The following TRIM55 variants were observed in gnomAD, a reference collection of about 807,000 sequenced individuals.
The protein encoded by TRIM55 is tripartite motif containing 55.
TRIM55 carries 50 observed loss-of-function variants against 60.9 expected under a neutral mutation model. The observed-to-expected ratio is 0.82, with a 90% CI of 0.65 to 1.04. The LOEUF (loss-of-function observed/expected upper bound fraction) is 1.04. Ranked by LOEUF, TRIM55 falls within the 50% of genes least tolerant of loss-of-function variation. TRIM55 has a pLI of 0.00. For synonymous variants in TRIM55, 237 were observed against 238.1 expected (o/e 1.00, Z 0.04); for missense variants, 681 against 666.9 (o/e 1.02, Z -0.23).
chr8:66,162,878 A>C (rs1586246878), intron 9 of TRIM55, among the ~76,000 whole-genome samples: 2 of 152,228 alleles, frequency 1.3e-5, no homozygotes, highest in East Asian at 1.9e-4. Context: ...TTAGCTCTTA[A>C]ATTAGGTCTA....
chr8:66,113,389 A>C, the TRIM55 span: 2 of 397,296 alleles, frequency 5.0e-6, no homozygotes, highest in Non-Finnish European at 1.0e-5. Flanking sequence ...CAGCTGGTAG[A>C]GCGGAGGACT....
At chr8:66,145,203 A>G (rs1322393033) in intron 4 of TRIM55, among the ~76,000 whole-genome samples, 2 of 152,182 alleles carry the variant, frequency 1.3e-5, no homozygotes, top group African/African-American at 2.4e-5. Flanking sequence ...AAAGAGTGTG[A>G]AAAAATAGGA....
At chr8:66,170,995 C>T (rs1223953248) in intron 9 of TRIM55, among the ~76,000 whole-genome samples, 2 of 152,320 alleles carry the variant, frequency 1.3e-5, no homozygotes, top group East Asian at 1.9e-4. Flanking sequence ...TTCCACGTTA[C>T]GGACAGTGTT....
At chr8:66,160,318 C>T (rs1586240458) in intron 9 of TRIM55, among the ~76,000 whole-genome samples, 1 of 151,748 alleles carries the variant, frequency 6.6e-6, no homozygotes, top group Admixed American at 6.6e-5. Flanking sequence ...TGCAAATGCC[C>T]TTACTTCATT....
intron 2 of TRIM55, among the ~76,000 whole-genome samples, chr8:66,133,271 G>A (rs1362297503): frequency 1.3e-5 from 2 of 152,162 alleles, no homozygotes; most frequent in Non-Finnish European, 2.9e-5. Context: ...TGTTACACTA[G>A]AGCACAGGGA....
At chr8:66,168,660 C>T (rs1159153853) in intron 9 of TRIM55, among the ~76,000 whole-genome samples, 2 of 152,224 alleles carry the variant, frequency 1.3e-5, no homozygotes, top group Admixed American at 6.5e-5. Flanking sequence ...GAAAGACAGG[C>T]ATTTAACATG....
At chr8:66,127,582 T>A in intron 1 of TRIM55, 146 bp downstream of exon 1, 1 of 899,668 alleles carries the variant, frequency 1.1e-6, no homozygotes, top group Non-Finnish European at 1.7e-6. Context: ...GTCCCAGCAC[T>A]TTGGGAGGCT....
rs915508951 is a variant in TRIM55 at position 66,130,571 on chromosome 8, T to C, written c.341+2095T>C. ...GCTATTGGAAGGGGGTCGGGGGGGG[T>C]GACCAATCACAGACTGGGATGTTGT... is the stretch of plus-strand genomic sequence containing the variant. On this transcript the variant is annotated intron_variant, in intron 2 of 9. Coordinates refer to ENST00000315962, the MANE Select transcript of TRIM55 (RefSeq NM_184085.2). 1.2e-3 allele frequency among the ~76,000 whole-genome samples: 161 copies of C among 138,308 alleles called. 1 individual carries two copies. The highest frequency in any genetic ancestry group is 2.1e-3 in the Admixed American group (28 of 13,250). The allele number at this position is 138,308 out of a possible 152,430, so 90.7% of individuals were successfully genotyped here. A position where few individuals can be genotyped will look rare whatever the true frequency, so the allele number is the denominator to read the frequency against.
chr8:66,122,498 G>C (rs955218796), upstream of TRIM55, among the ~76,000 whole-genome samples: 1 of 152,026 alleles, frequency 6.6e-6, no homozygotes, highest in South Asian at 2.1e-4. Flanking sequence ...GGCACACGTC[G>C]TTAGAACCTC....
At chr8:66,119,101 C>A in the TRIM55 span, among the ~76,000 whole-genome samples, 4 of 152,178 alleles carry the variant, frequency 2.6e-5, no homozygotes, top group African/African-American at 9.7e-5. Context: ...CCTAGTGCTC[C>A]AGCCCAACTA....
At chr8:66,160,356 GGTGTGT>G (rs35422649) in intron 9 of TRIM55, among the ~76,000 whole-genome samples, 15 of 145,968 alleles carry the variant, frequency 1.0e-4, no homozygotes, top group African/African-American at 1.5e-4. Context: ...AGTATTCCAT[GGTGTGT>G]GTGTGTGTGT....
intron 4 of TRIM55, among the ~76,000 whole-genome samples, chr8:66,140,755 G>A (rs1211299840): frequency 1.3e-5 from 2 of 152,212 alleles, no homozygotes; most frequent in Non-Finnish European, 2.9e-5. Flanking sequence ...CAGGGTCAGG[G>A]CCACAGAGCT....
At position 66,175,309 on chromosome 8, in the gene TRIM55, A is replaced by C. The variant is rs560798711; in HGVS notation, c.*716A>C. The C allele has an allele frequency of 6.6e-6, 1 of 152,204 alleles. No homozygotes were observed. The highest frequency in any genetic ancestry group is 2.4e-5 in the African/African-American group (1 of 41,456). 9.4% of individuals were successfully genotyped at this position (152,204 alleles called of 1,614,324 possible). On this transcript the variant is annotated 3_prime_UTR_variant, in exon 10 of 10. Transcript: ENST00000315962. The stretch of plus-strand genomic sequence containing the variant: ...TACTTTCTCTTTTATTCACTGTGGC[A>C]CCAATCTGGTAAATTGTAGAACAAT...
chr8:66,152,858 C>T (rs550665114), intron 8 of TRIM55, among the ~76,000 whole-genome samples: 1 of 151,880 alleles, frequency 6.6e-6, no homozygotes, highest in East Asian at 1.9e-4. Flanking sequence ...ATACAACTTT[C>T]CCACCAGTAA....
chr8:66,114,693 G>C, the TRIM55 span: 2 of 454,134 alleles, frequency 4.4e-6, no homozygotes, highest in Non-Finnish European at 8.9e-6. Context: ...GGAACTGTTC[G>C]GCCCCATCTC....
intron 4 of TRIM55, among the ~76,000 whole-genome samples, chr8:66,146,151 A>C (rs933175686): frequency 6.6e-6 from 1 of 152,244 alleles, no homozygotes; most frequent in South Asian, 2.1e-4. Flanking sequence ...GCCAGGTAAT[A>C]TTATAAGCAC....
At chr8:66,133,991 C>A (rs529193578) in intron 2 of TRIM55, among the ~76,000 whole-genome samples, 1 of 152,276 alleles carries the variant, frequency 6.6e-6, no homozygotes, top group South Asian at 2.1e-4. Flanking sequence ...TATATACACA[C>A]GTACACCTGA....
At chr8:66,159,226 T>A (rs1039477289) in intron 9 of TRIM55, among the ~76,000 whole-genome samples, 2 of 152,210 alleles carry the variant, frequency 1.3e-5, no homozygotes, top group African/African-American at 4.8e-5. Flanking sequence ...CAACCACTGA[T>A]GTGTTTGATT....
In TRIM55 at chr8:66,139,268, C is replaced by T. The variant is rs76912189; in HGVS notation, c.603+2078C>T. 1.7e-3 allele frequency among the ~76,000 whole-genome samples: 255 copies of T among 152,182 alleles called. 1 individual carries two copies. Among genetic ancestry groups the T allele is most frequent in the Non-Finnish European group, 3.3e-3 (224 of 67,998 alleles). On this transcript the variant is annotated intron_variant, in intron 4 of 9. Transcript: ENST00000315962. The stretch of plus-strand genomic sequence containing the variant: ...GAGCGAGGTAATCTCAGGGCTTTAC[C>T]GGAGATGTCTGTTGGAAGGAACAGG...
Sources: gnomAD v4.1 joint callset for allele counts (sites outside exome capture counted in the v4.1 genomes callset) on GRCh38, gnomAD v4.1.1 for gene constraint, MANE v1.5 for transcripts, NCBI Gene and HGNC (gene_info 2026-07-23, HGNC 2026-07-21) for gene names.